Variants in VEZT observed in about 807,000 individuals in gnomAD.
The protein encoded by VEZT is vezatin, adherens junctions transmembrane protein.
In VEZT, 39 loss-of-function variants were observed where a neutral mutation model predicts 79.9. The ratio of observed to expected loss-of-function variants is 0.49; its 90% confidence interval spans 0.38 to 0.64. VEZT has a LOEUF of 0.64. VEZT is among the 30% of genes least tolerant of loss of function. The pLI is 0.00. For missense variants in VEZT, 837 were observed against 893.1 expected (o/e 0.94, Z 0.80); for synonymous variants, 325 against 327.6 (o/e 0.99, Z 0.09).
intron 2 of VEZT, among the ~76,000 whole-genome samples, chr12:95,253,482 C>A (rs1041304401): frequency 6.6e-6 from 1 of 152,156 alleles, no homozygotes; most frequent in East Asian, 1.9e-4. Context: ...CTTCCCTGTG[C>A]CCCTTTTAAG....
chr12:95,256,308 C>T (rs2063481827), intron 2 of VEZT, among the ~76,000 whole-genome samples: 1 of 152,194 alleles, frequency 6.6e-6, no homozygotes, highest in Non-Finnish European at 1.5e-5. Flanking sequence ...TCCTCGGCCT[C>T]CCAAAGTGCT....
At chr12:95,256,851 C>A (rs2063556614) in intron 2 of VEZT, among the ~76,000 whole-genome samples, 1 of 152,196 alleles carries the variant, frequency 6.6e-6, no homozygotes, top group Non-Finnish European at 1.5e-5. Context: ...AGAATGACTT[C>A]TGCCTGCTCT....
rs1278243852 is a variant in VEZT at position 95,266,352 on chromosome 12, C to A, written c.435-5C>A. 5.6e-6 allele frequency: 9 copies of A among 1,603,340 alleles called. No individual in the cohort carries two copies. Among genetic ancestry groups the A allele is most frequent in the Non-Finnish European group, 7.7e-6 (9 of 1,172,544 alleles). On this transcript the variant is annotated splice_region_variant and splice_polypyrimidine_tract_variant and intron_variant, in intron 4 of 11. Transcript: ENST00000436874. Reference sequence around the variant, plus strand: ...CATATCATTTTCTTCCTTTCTTGTTCCCAGGGATCTCTCAATGCTATTTGC... The same window carrying A: ...CATATCATTTTCTTCCTTTCTTGTTACCAGGGATCTCTCAATGCTATTTGC...
intron 5 of VEZT, among the ~76,000 whole-genome samples, chr12:95,267,642 G>T (rs950846545): frequency 1.3e-5 from 2 of 152,144 alleles, no homozygotes; most frequent in African/African-American, 4.8e-5. Context: ...AATCCCAGTA[G>T]TTATCTTGTT....
At chr12:95,234,856 ACT>A (rs1022169342) in intron 1 of VEZT, among the ~76,000 whole-genome samples, 1 of 151,670 alleles carries the variant, frequency 6.6e-6, no homozygotes, top group Non-Finnish European at 1.5e-5. Flanking sequence ...AGTGGTAATG[ACT>A]CTTAAGGAGC....
chr12:95,234,745 G>T (rs1475989188), intron 1 of VEZT, among the ~76,000 whole-genome samples: 2 of 152,042 alleles, frequency 1.3e-5, no homozygotes, highest in African/African-American at 2.4e-5. Flanking sequence ...GTGGAGGGAA[G>T]GTCAGCAGAT....
chr12:95,254,339 C>CT (rs34968028), intron 2 of VEZT, among the ~76,000 whole-genome samples: 8,084 of 69,484 alleles, frequency 0.12, 956 homozygotes, highest in Middle Eastern at 0.18. Flanking sequence ...AAACGAAGTT[C>CT]TTTTTTTTTT....
At chr12:95,239,970 GA>G (rs1423780090) in intron 1 of VEZT, among the ~76,000 whole-genome samples, 5 of 134,306 alleles carry the variant, frequency 3.7e-5, no homozygotes, top group African/African-American at 1.2e-4. Context: ...GAGAGAGAGA[GA>G]GAGAGAGAGA....
chr12:95,234,198 TA>T, intron 1 of VEZT, among the ~76,000 whole-genome samples: 1 of 152,174 alleles, frequency 6.6e-6, no homozygotes, highest in South Asian at 2.1e-4. Context: ...TTCTACAATT[TA>T]AAAAAATATT....
chr12:95,283,159 T>C (rs1242818053), intron 8 of VEZT, among the ~76,000 whole-genome samples: 1 of 152,082 alleles, frequency 6.6e-6, no homozygotes, highest in African/African-American at 2.4e-5. Context: ...AAATGTAGAG[T>C]CTAGAGTTTA....
chr12:95,290,652 A>T (rs1000528393), intron 9 of VEZT: 1 of 152,174 alleles, frequency 6.6e-6, no homozygotes, highest in Non-Finnish European at 1.5e-5. Context: ...TGGCTTGTAA[A>T]ATCTTTTAAT....
At chr12:95,294,510 C>T (rs1465924598) in intron 10 of VEZT, 138 bp downstream of exon 10, 2 of 724,588 alleles carry the variant, frequency 2.8e-6, no homozygotes, top group Non-Finnish European at 2.2e-6. Context: ...AATCTGCCTG[C>T]AGACTTTTTT....
chr12:95,289,243 C>T (rs1388823876), intron 9 of VEZT, among the ~76,000 whole-genome samples: 1 of 151,044 alleles, frequency 6.6e-6, no homozygotes, highest in Non-Finnish European at 1.5e-5. Flanking sequence ...CAATGAAACC[C>T]TGTCTCTACT....
At chr12:95,268,143 C>T (rs2138650605) in intron 5 of VEZT, among the ~76,000 whole-genome samples, 1 of 152,118 alleles carries the variant, frequency 6.6e-6, no homozygotes, top group Admixed American at 6.5e-5. Flanking sequence ...AAGGATAGCA[C>T]GTTTTTAAGT....
In VEZT at chr12:95,221,266, G is replaced by A. The variant is rs369302539; in HGVS notation, c.36+3380G>A. Among the ~76,000 whole-genome samples the A allele has an allele frequency of 3.3e-4, 50 of 152,312 alleles. 2 individuals carry two copies. Among genetic ancestry groups the A allele is most frequent in the African/African-American group, 1.2e-3 (49 of 41,562 alleles). On this transcript the variant is annotated intron_variant, in intron 1 of 11. Transcript: ENST00000436874. ...TGCAGTTGGCCCTCCTTAGCTGAGAGTTCCACATCTGCAGATTGGACCAAC... is the reference window on the plus strand; with the variant it reads ...TGCAGTTGGCCCTCCTTAGCTGAGAATTCCACATCTGCAGATTGGACCAAC...
chr12:95,248,903 T>C (rs1030988699), intron 1 of VEZT, among the ~76,000 whole-genome samples: 4 of 152,088 alleles, frequency 2.6e-5, no homozygotes, highest in African/African-American at 7.2e-5. Flanking sequence ...TTAAGGTTTT[T>C]GGGCCGGATT....
chr12:95,283,419 T>C lies in VEZT; in HGVS notation c.1328+775T>C, dbSNP rs565108975. ...ATCAAATGAATGGTTGGGTTCAAAT[T>C]GTGTTGGTAATCAGGAAGGTCCTAG... is the stretch of plus-strand genomic sequence containing the variant. On this transcript the variant is annotated intron_variant, in intron 8 of 11. Transcript: ENST00000436874. Among the ~76,000 whole-genome samples the C allele has an allele frequency of 5.9e-5, 9 of 152,220 alleles. No homozygotes were observed. The South Asian group carries it at 1.9e-3, about 32-fold the overall frequency.
At chr12:95,269,836 T>C (rs895710366) in intron 5 of VEZT, 1 of 399,822 alleles carries the variant, frequency 2.5e-6, no homozygotes, top group African/African-American at 2.1e-5. Context: ...GTCTTTTTTT[T>C]AGTGGTTGTC....
intron 5 of VEZT, among the ~76,000 whole-genome samples, chr12:95,269,558 T>C (rs527248412): frequency 6.6e-6 from 1 of 152,298 alleles, no homozygotes; most frequent in South Asian, 2.1e-4. Context: ...CAAAATATGA[T>C]CAGTGAACAT....
Sources: gnomAD v4.1 joint callset for allele counts (sites outside exome capture counted in the v4.1 genomes callset) on GRCh38, gnomAD v4.1.1 for gene constraint, MANE v1.5 for transcripts, NCBI Gene and HGNC (gene_info 2026-07-23, HGNC 2026-07-21) for gene names.